Variants in RFX1 observed in about 807,000 individuals in gnomAD.
The protein encoded by RFX1 is regulatory factor X1, also known as MHC class II regulatory factor RFX1.
In RFX1, 42 loss-of-function variants were observed where a neutral mutation model predicts 119.6. The ratio of observed to expected loss-of-function variants is 0.35; its 90% CI spans 0.27 to 0.45. The LOEUF (loss-of-function observed/expected upper bound fraction) is 0.45, where lower values mean the gene tolerates loss of function less well. RFX1 is among the 20% of genes least tolerant of loss of function. The pLI, the probability that RFX1 is intolerant of heterozygous loss-of-function variation, is 1.00. For missense variants in RFX1, 1,118 were observed against 1,368.1 expected, an observed-to-expected ratio of 0.82 and a Z score of 2.88; for synonymous variants, 628 against 618.5, an observed-to-expected ratio of 1.02 and a Z score of -0.23.
At chr19:13,977,567 C>A (rs1199016610) in intron 8 of RFX1, among the ~76,000 whole-genome samples, 4 of 151,992 alleles carry the variant, frequency 2.6e-5, no homozygotes, top group Non-Finnish European at 5.9e-5. Flanking sequence ...CAGGTGCCTG[C>A]CACCACTCCT....
chr19:13,969,660 CAAA>C lies in RFX1; in HGVS notation c.1496+331_1496+333del, dbSNP rs752441047. On this transcript the variant is annotated intron_variant, in intron 10 of 20. Coordinates refer to ENST00000254325, the MANE Select transcript of RFX1 (RefSeq NM_002918.5). This position sits in a 1 kb window ranked among gnomAD's most constrained non-coding sequence, Gnocchi z 4.5. ...GGCCACAGAGTGAGACTCTTGTCTC[CAAA>C]AAAAAAAAAAAGTCACGTGTGAGCG... The C allele has an allele frequency of 6.1e-4, 91 of 148,564 alleles. No individual in the cohort carries two copies. Among genetic ancestry groups the C allele is most frequent in the Middle Eastern group, 2.2e-3 (1 of 446 alleles). The allele number at this position is 148,564 out of a possible 1,614,324, so 9.2% of individuals were successfully genotyped here. A position where few individuals can be genotyped will look rare whatever the true frequency, so the allele number is the denominator to read the frequency against.
rs778231207 is a variant in RFX1, at chr19:13,970,068, G to A, written c.1422C>T (p.Pro474=). The A allele has an allele frequency of 1.7e-5, 28 of 1,614,000 alleles. No homozygotes were observed. Among genetic ancestry groups the A allele is most frequent in the South Asian group, 1.1e-4 (10 of 91,086 alleles). The change falls in exon 10 of 21, where the codon CCC becomes CCT. Residue 474 remains proline, a synonymous_variant. Transcript: ENST00000254325. ...LLHCQEQKLE[P]VNAASFGKLI... ...GCTTGCCGAAGGAGGCGGCGTTGAC[G>A]GGCTCCAGCTTCTGCTCCTGGCAGT... is the stretch of plus-strand genomic sequence containing the variant.
chr19:14,001,927 G>A (rs563664287), intron 1 of RFX1, among the ~76,000 whole-genome samples: 1 of 152,330 alleles, frequency 6.6e-6, no homozygotes, highest in African/African-American at 2.4e-5. Flanking sequence ...CCTGAGGTCA[G>A]GAGTTCGACA....
intron 1 of RFX1, among the ~76,000 whole-genome samples, chr19:14,003,960 G>A (rs1421905671): frequency 2.6e-5 from 4 of 151,932 alleles, no homozygotes; most frequent in Non-Finnish European, 4.4e-5. Flanking sequence ...AGGCTGGAGT[G>A]CAGTGGCCTG....
chr19:13,965,841 A>G lies in RFX1; in HGVS notation c.1962-64T>C. 7.6e-6 allele frequency: 12 copies of G among 1,569,258 alleles called. No homozygotes were observed. Among genetic ancestry groups the G allele is most frequent in the Non-Finnish European group, 1.0e-5 (12 of 1,152,212 alleles). Reference sequence around the variant, plus strand: ...CTATGGTCCTGCCCCCATCGTCAGAAGGGAACAGGTAGCCCCTGTCCCTGA... The same window carrying G: ...CTATGGTCCTGCCCCCATCGTCAGAGGGGAACAGGTAGCCCCTGTCCCTGA... On this transcript the variant is annotated intron_variant, in intron 14 of 20. Coordinates refer to ENST00000254325, the MANE Select transcript of RFX1 (RefSeq NM_002918.5). The surrounding 1 kb of genome is among the most constrained non-coding windows in gnomAD (Gnocchi z 4.7).
chr19:13,963,409 C>T, intron 18 of RFX1, 129 bp downstream of exon 18: 1 of 1,431,720 alleles, frequency 7.0e-7, no homozygotes, highest in South Asian at 1.3e-5. Flanking sequence ...CTTCCCGGCA[C>T]ATGAGCCCAG....
intron 1 of RFX1, among the ~76,000 whole-genome samples, chr19:14,004,003 G>C (rs949460396): frequency 2.0e-5 from 3 of 152,032 alleles, no homozygotes; most frequent in African/African-American, 7.2e-5. Flanking sequence ...CCGCCTCCCA[G>C]GCTCAAGCAA....
Position 13,963,564 on chromosome 19 carries a change from G to A in RFX1, c.2544C>T (p.Leu848=), listed in dbSNP as rs146122826. 354 of 1,604,900 alleles carry A rather than the reference G, an allele frequency of 2.2e-4. No homozygotes were observed. The highest frequency in any genetic ancestry group is 6.6e-4 in the Middle Eastern group (4 of 6,048). ...TGTAGAAGGACCACTTGAGGAGGAA[G>A]AGCTTGGCGGCCTTGGGGAAGCCGG... is the stretch of plus-strand genomic sequence containing the variant. ...GSAGFPKAAK[L]FLLKWSFYSS... Residue 848 remains leucine, a synonymous_variant, in exon 18 of 21, where the codon CTC becomes CTT. Coordinates refer to ENST00000254325, the MANE Select transcript of RFX1 (RefSeq NM_002918.5).
At chr19:14,005,688 T>C (rs998008304) in intron 1 of RFX1, among the ~76,000 whole-genome samples, 1 of 150,502 alleles carries the variant, frequency 6.6e-6, no homozygotes, top group Non-Finnish European at 1.5e-5. Context: ...CTGCCCACCC[T>C]GGTTCCCGAG....
At chr19:13,970,980 G>A (rs541926021) in intron 9 of RFX1, among the ~76,000 whole-genome samples, 3 of 150,916 alleles carry the variant, frequency 2.0e-5, no homozygotes, top group South Asian at 2.1e-4. Context: ...CAACCTGTGC[G>A]ACAGAGCAAG....
chr19:13,990,524 A>T lies in RFX1; in HGVS notation c.319+3001T>A, dbSNP rs1429420437. ...AGTGAGACTCTGTCTCTACAAAAAAATTAAAAGATTAGGCCGGGCGCGGTG... is the reference window on the plus strand; with the variant it reads ...AGTGAGACTCTGTCTCTACAAAAAATTTAAAAGATTAGGCCGGGCGCGGTG... On this transcript the variant is annotated intron_variant, in intron 2 of 20. Coordinates refer to ENST00000254325, the MANE Select transcript of RFX1 (RefSeq NM_002918.5). The surrounding 1 kb of genome is among the most constrained non-coding windows in gnomAD (Gnocchi z 4.1). Among the ~76,000 whole-genome samples the T allele has an allele frequency of 2.6e-5, 4 of 151,954 alleles. No homozygotes were observed. The highest frequency in any genetic ancestry group is 7.2e-5 in the African/African-American group (3 of 41,462).
intron 1 of RFX1, among the ~76,000 whole-genome samples, chr19:14,003,120 C>G (rs1293971907): frequency 6.6e-6 from 1 of 152,048 alleles, no homozygotes; most frequent in African/African-American, 2.4e-5. Flanking sequence ...ATAGCTGGGA[C>G]TACTACAGTC....
intron 2 of RFX1, among the ~76,000 whole-genome samples, chr19:13,987,605 G>T (rs571791295): frequency 6.6e-6 from 1 of 152,256 alleles, no homozygotes; most frequent in South Asian, 2.1e-4. Context: ...CGCTAACCTG[G>T]CAGAGGGTCA....
At chr19:13,994,705 CTG>C (rs1974927601) in intron 1 of RFX1, among the ~76,000 whole-genome samples, 1 of 139,644 alleles carries the variant, frequency 7.2e-6, no homozygotes, top group Non-Finnish European at 1.5e-5. Context: ...ACCCAAGACT[CTG>C]TCTAAATATA....
Position 13,990,740 on chromosome 19 carries a change from C to G in RFX1, c.319+2785G>C, listed in dbSNP as rs182988913. On this transcript the variant is annotated intron_variant, in intron 2 of 20. Transcript: ENST00000254325. The surrounding 1 kb of genome is among the most constrained non-coding windows in gnomAD (Gnocchi z 4.1). ...GCTGAGGCAGGAGAATGGTGTGAAC[C>G]CCGGAGGCAGAGCTTGCAGTGAGCC... Among the ~76,000 whole-genome samples the G allele has an allele frequency of 1.2e-3, 186 of 152,020 alleles. No individual in the cohort carries two copies. Among genetic ancestry groups the G allele is most frequent in the African/African-American group, 4.3e-3 (177 of 41,476 alleles).
In RFX1 at chr19:13,969,871, AGCCTCGCAGAGGCCG is replaced by A; in HGVS notation, c.1496+108_1496+122del. 1.1e-6 allele frequency: 1 copy of A among 949,510 alleles called. No individual in the cohort carries two copies. Among genetic ancestry groups the A allele is most frequent in the Non-Finnish European group, 1.5e-6 (1 of 645,530 alleles). The allele number at this position is 949,510 out of a possible 1,614,324, so 58.8% of individuals were successfully genotyped here. ...GTGGGAGTGAGCGGGGCTGTCGAGG[AGCCTCGCAGAGGCCG>A]GCGGGACTGGGCTGGACTGGACTGC... On this transcript the variant is annotated intron_variant, in intron 10 of 20. Transcript: ENST00000254325. This position sits in a 1 kb window ranked among gnomAD's most constrained non-coding sequence, Gnocchi z 4.5.
In RFX1 at chr19:13,990,345, G is replaced by T. The variant is rs970782106; in HGVS notation, c.319+3180C>A. On this transcript the variant is annotated intron_variant, in intron 2 of 20. Coordinates refer to ENST00000254325, the MANE Select transcript of RFX1 (RefSeq NM_002918.5). The surrounding 1 kb of genome is among the most constrained non-coding windows in gnomAD (Gnocchi z 4.1). Reference sequence around the variant, plus strand: ...CAAGAGGGGATCTTTGGGAAAAAGGGGGCCAGCTGCAGGGGGTCCAGCAGC... The same window carrying T: ...CAAGAGGGGATCTTTGGGAAAAAGGTGGCCAGCTGCAGGGGGTCCAGCAGC... 2.6e-5 allele frequency among the ~76,000 whole-genome samples: 4 copies of T among 152,060 alleles called. No individual in the cohort carries two copies. Among genetic ancestry groups the T allele is most frequent in the Non-Finnish European group, 4.4e-5 (3 of 68,002 alleles).
rs753926015 is a variant in RFX1, at chr19:13,979,432, G to C, written c.834+15C>G. ...CAGCCCCTTTGCCCGTGGGGTAGGA[G>C]GGGGAGACACACACCTCTTGAGCCA... On this transcript the variant is annotated intron_variant, in intron 7 of 20. Transcript: ENST00000254325. 5.2e-6 allele frequency: 8 copies of C among 1,540,314 alleles called. No homozygotes were observed. Among genetic ancestry groups the C allele is most frequent in the Non-Finnish European group, 6.2e-6 (7 of 1,134,278 alleles).
intron 2 of RFX1, among the ~76,000 whole-genome samples, chr19:13,991,251 G>C (rs1974789221): frequency 6.6e-6 from 1 of 152,192 alleles, no homozygotes; most frequent in African/African-American, 2.4e-5. Flanking sequence ...TCAGGGACCA[G>C]GATCATAGTA....
Sources: gnomAD v4.1 joint callset for allele counts (sites outside exome capture counted in the v4.1 genomes callset) on GRCh38, gnomAD v4.1.1 for gene constraint, Gnocchi (gnomAD v3.1) non-coding constraint, MANE v1.5 for transcripts, NCBI Gene and HGNC (gene_info 2026-07-23, HGNC 2026-07-21) for gene names.